Variants in LIN7A observed in about 807,000 individuals in gnomAD.
The protein encoded by LIN7A is protein lin-7 homolog A.
In LIN7A, 25 loss-of-function variants were observed where a neutral mutation model predicts 29.8. The ratio of observed to expected loss-of-function variants is 0.84; its 90% CI spans 0.61 to 1.17. The LOEUF (loss-of-function observed/expected upper bound fraction) is 1.17, where lower values mean the gene tolerates loss of function less well. LIN7A is among the 50% of genes most tolerant of loss of function. The pLI, the probability that LIN7A is intolerant of heterozygous loss-of-function variation, is 0.00. For synonymous variants in LIN7A, 118 were observed against 107.5 expected (o/e 1.10, Z -0.60); for missense variants, 239 against 287.0 (o/e 0.83, Z 1.21).
At chr12:80,935,475 C>CTGAT (rs1330571103) in intron 1 of LIN7A, among the ~76,000 whole-genome samples, 11 of 152,278 alleles carry the variant, frequency 7.2e-5, no homozygotes, top group African/African-American at 2.4e-4. Flanking sequence ...TCCAGAGAGG[C>CTGAT]TGATGTATGC....
intron 2 of LIN7A, among the ~76,000 whole-genome samples, chr12:80,875,445 CAT>C (rs1874637078): frequency 6.6e-6 from 1 of 152,178 alleles, no homozygotes; most frequent in African/African-American, 2.4e-5. Context: ...ACACGAAACT[CAT>C]GTGTTACATA....
intron 4 of LIN7A, among the ~76,000 whole-genome samples, chr12:80,811,995 C>A (rs989467825): frequency 2.6e-5 from 4 of 151,960 alleles, no homozygotes; most frequent in South Asian, 2.1e-4. Flanking sequence ...AGTAAATGCA[C>A]TAGTCAACAA....
At chr12:80,836,686 A>T (rs529598320) in intron 4 of LIN7A, among the ~76,000 whole-genome samples, 1 of 152,020 alleles carries the variant, frequency 6.6e-6, no homozygotes, top group Non-Finnish European at 1.5e-5. Flanking sequence ...GTATATATAT[A>T]TATTTTAAAA....
intron 1 of LIN7A, among the ~76,000 whole-genome samples, chr12:80,920,466 G>A (rs1037297196): frequency 6.6e-6 from 1 of 152,112 alleles, no homozygotes; most frequent in African/African-American, 2.4e-5. Flanking sequence ...GGTTGTAAGT[G>A]ATATTATTAA....
chr12:80,935,229 T>C (rs952008222), intron 1 of LIN7A, among the ~76,000 whole-genome samples: 2 of 152,162 alleles, frequency 1.3e-5, no homozygotes, highest in Non-Finnish European at 2.9e-5. Context: ...CCAATAGGGA[T>C]AGACAAATGC....
intron 2 of LIN7A, among the ~76,000 whole-genome samples, chr12:80,849,736 G>T (rs767639529): frequency 4.6e-5 from 7 of 151,968 alleles, no homozygotes; most frequent in Non-Finnish European, 8.8e-5. Context: ...AACTCTCCAA[G>T]TTACCTAGGT....
intron 1 of LIN7A, among the ~76,000 whole-genome samples, chr12:80,905,980 T>C (rs1876456946): frequency 6.6e-6 from 1 of 152,216 alleles, no homozygotes; most frequent in South Asian, 2.1e-4. Context: ...TTATTTTAGA[T>C]AAGTTCTTTC....
intron 1 of LIN7A, among the ~76,000 whole-genome samples, chr12:80,933,607 C>T (rs1878039024): frequency 6.6e-6 from 1 of 152,098 alleles, no homozygotes; most frequent in Admixed American, 6.6e-5. Flanking sequence ...ATCATCTGAC[C>T]CCCGGCTACC....
At chr12:80,848,444 G>A in intron 2 of LIN7A, 122 bp from the exon 3 acceptor site, 1 of 685,176 alleles carries the variant, frequency 1.5e-6, no homozygotes, top group Non-Finnish European at 2.5e-6. Flanking sequence ...AATAACATAG[G>A]TCTGATGTTT....
At chr12:80,839,608 T>C (rs1872722521) in intron 4 of LIN7A, among the ~76,000 whole-genome samples, 1 of 152,230 alleles carries the variant, frequency 6.6e-6, no homozygotes, top group African/African-American at 2.4e-5. Context: ...TTTTATGTTT[T>C]CTCTTTGTTC....
intron 4 of LIN7A, among the ~76,000 whole-genome samples, chr12:80,838,409 T>C (rs1872674879): frequency 6.6e-6 from 1 of 152,210 alleles, no homozygotes; most frequent in Non-Finnish European, 1.5e-5. Flanking sequence ...AAAAGATCTC[T>C]TATTGTGAGC....
intron 5 of LIN7A, among the ~76,000 whole-genome samples, chr12:80,802,452 T>C (rs552910476): frequency 6.6e-6 from 1 of 152,194 alleles, no homozygotes; most frequent in African/African-American, 2.4e-5. Flanking sequence ...CCTTTTAACA[T>C]GCTAATTTCA....
At chr12:80,930,195 C>T (rs1877820948) in intron 1 of LIN7A, among the ~76,000 whole-genome samples, 1 of 152,144 alleles carries the variant, frequency 6.6e-6, no homozygotes, top group South Asian at 2.1e-4. Context: ...GGAAATTAGA[C>T]ACCCTAGCTT....
At chr12:80,916,969 C>T (rs913691098) in intron 1 of LIN7A, among the ~76,000 whole-genome samples, 8 of 152,064 alleles carry the variant, frequency 5.3e-5, no homozygotes, top group Non-Finnish European at 1.2e-4. Context: ...GAAGGCTATA[C>T]ACAAATAAAC....
chr12:80,852,864 A>G (rs1873399376), intron 2 of LIN7A, among the ~76,000 whole-genome samples: 1 of 152,182 alleles, frequency 6.6e-6, no homozygotes, highest in Non-Finnish European at 1.5e-5. Flanking sequence ...GTTCTGTCCA[A>G]TGACAATTCA....
intron 4 of LIN7A, among the ~76,000 whole-genome samples, chr12:80,842,280 A>G (rs541089272): frequency 6.6e-6 from 1 of 152,284 alleles, no homozygotes; most frequent in South Asian, 2.1e-4. Flanking sequence ...TTTAAAAAGT[A>G]AAGAAATTAT....
rs992171528 is a variant in LIN7A, at chr12:80,796,580, A to C, written c.*1147T>G. 4 of 152,060 alleles carry C rather than the reference A, an allele frequency of 2.6e-5. No individual in the cohort carries two copies. Among genetic ancestry groups the C allele is most frequent in the African/African-American group, 9.7e-5 (4 of 41,378 alleles). The allele number at this position is 152,060 out of a possible 1,614,324, so 9.4% of individuals were successfully genotyped here. A position where few individuals can be genotyped will look rare whatever the true frequency, so the allele number is the denominator to read the frequency against. On this transcript the variant is annotated 3_prime_UTR_variant, in exon 6 of 6. Transcript: ENST00000552864. ...ATCTGCCATTCACAATATTGATATC[A>C]CTGGTTTCCACCTGCCCAATTATAA... is the stretch of plus-strand genomic sequence containing the variant.
chr12:80,912,441 C>T (rs1219523172), intron 1 of LIN7A, among the ~76,000 whole-genome samples: 1 of 152,114 alleles, frequency 6.6e-6, no homozygotes, highest in African/African-American at 2.4e-5. Flanking sequence ...CTAGGCCGGG[C>T]ATGGTGGCTC....
chr12:80,884,416 C>A (rs913031259), intron 2 of LIN7A, among the ~76,000 whole-genome samples: 6 of 152,100 alleles, frequency 3.9e-5, no homozygotes, highest in African/African-American at 1.4e-4. Flanking sequence ...AAAAGGTTAT[C>A]TAGAGTCTCT....
Sources: gnomAD v4.1 joint callset for allele counts (sites outside exome capture counted in the v4.1 genomes callset) on GRCh38, gnomAD v4.1.1 for gene constraint, MANE v1.5 for transcripts, NCBI Gene and HGNC (gene_info 2026-07-23, HGNC 2026-07-21) for gene names.